MDN1: variants seen among roughly 807,000 people sequenced by gnomAD.
MDN1 encodes midasin.
MDN1 carries 266 observed loss-of-function variants against 669.2 expected under a neutral mutation model. The ratio of observed to expected loss-of-function variants is 0.40; its 90% confidence interval spans 0.36 to 0.44. MDN1 has a LOEUF of 0.44. MDN1 is among the 20% of genes least tolerant of loss of function. The pLI, the probability that MDN1 is intolerant of heterozygous loss-of-function variation, is 1.00. For synonymous variants in MDN1, 2,385 were observed against 2,457.1 expected (o/e 0.97, Z 0.87); for missense variants, 5,940 against 6,754.0 (o/e 0.88, Z 4.22).
chr6:89,760,502 A>G (rs1038469355), intron 17 of MDN1, among the ~76,000 whole-genome samples: 4 of 152,170 alleles, frequency 2.6e-5, no homozygotes, highest in African/African-American at 4.8e-5. Context: ...TCTGAAAACA[A>G]TATGTCGAAG....
rs1312470529 is a variant in MDN1 at position 89,747,310 on chromosome 6, C to A, written c.3904+19G>T. ...ATTTAACATAACTATATATTGAGAGCATTTGATTGAAAACACACCATCATT... is the reference window on the plus strand; with the variant it reads ...ATTTAACATAACTATATATTGAGAGAATTTGATTGAAAACACACCATCATT... On this transcript the variant is annotated intron_variant, in intron 27 of 101. Transcript: ENST00000369393. 1 of 1,604,686 alleles carries A rather than the reference C, an allele frequency of 6.2e-7. No homozygotes were observed. Among genetic ancestry groups the A allele is most frequent in the East Asian group, 2.2e-5 (1 of 44,744 alleles).
At chr6:89,811,602 C>T (rs1484930950) in intron 1 of MDN1, among the ~76,000 whole-genome samples, 4 of 152,122 alleles carry the variant, frequency 2.6e-5, no homozygotes, top group East Asian at 1.9e-4. Flanking sequence ...TGTGCCACCA[C>T]GCCCAGCTAA....
chr6:89,770,155 C>T (rs1432266019), intron 15 of MDN1, among the ~76,000 whole-genome samples: 1 of 151,858 alleles, frequency 6.6e-6, no homozygotes, highest in Admixed American at 6.6e-5. Flanking sequence ...CCTGTAATCC[C>T]AGCAATTTGG....
chr6:89,775,073 C>G (rs1295462740), intron 12 of MDN1, among the ~76,000 whole-genome samples: 2 of 152,148 alleles, frequency 1.3e-5, no homozygotes, highest in African/African-American at 4.8e-5. Context: ...TCTAGCTATG[C>G]TCTCCTCTGC....
rs557509885 is a variant in MDN1, at chr6:89,812,479, T to A, written c.102+7027A>T. ...CGTTCCTTTGCTATAACAAAATTCATCAATTTCCCAATAATTAGCCAACAA... is the reference window on the plus strand; with the variant it reads ...CGTTCCTTTGCTATAACAAAATTCAACAATTTCCCAATAATTAGCCAACAA... On this transcript the variant is annotated intron_variant, in intron 1 of 101. Coordinates refer to ENST00000369393, the MANE Select transcript of MDN1 (RefSeq NM_014611.3). Among the ~76,000 whole-genome samples the A allele has an allele frequency of 3.1e-3, 476 of 152,144 alleles. 2 individuals are homozygous for A. The highest frequency in any genetic ancestry group is 0.011 in the African/African-American group (456 of 41,538).
rs1808502744 is a variant in MDN1, at chr6:89,646,551, T to C, written c.16448A>G (p.Asn5483Ser). Residue 5483 changes from asparagine to serine, a missense_variant, in exon 100 of 102, where the codon AAC (asparagine) becomes AGC (serine). By Grantham distance (46) the Asn-to-Ser change is conservative (BLOSUM62 1). Around this residue, in one of 5 missense-constraint regions of MDN1, gnomAD observed 2,280 missense variants for 2,576.3 expected, o/e 0.88. Coordinates refer to ENST00000369393, the MANE Select transcript of MDN1 (RefSeq NM_014611.3). ...MFAAAQQLSQNISSETAQLLL... is the reference protein window; with the variant it reads ...MFAAAQQLSQSISSETAQLLL... ...GGCATGCAGCTCACCTGAACTGATG[T>C]TCTGCGAGAGCTGCTGAGCAGCTGC... The C allele has an allele frequency of 6.2e-7, 1 of 1,613,988 alleles. No individual in the cohort carries two copies. The highest frequency in any genetic ancestry group is 1.3e-5 in the African/African-American group (1 of 74,936).
At position 89,661,583 on chromosome 6, in the gene MDN1, G is replaced by A. The variant is rs1350197294; in HGVS notation, c.14566-5C>T. On this transcript the variant is annotated splice_polypyrimidine_tract_variant and splice_region_variant and intron_variant, in intron 87 of 101. Coordinates refer to ENST00000369393, the MANE Select transcript of MDN1 (RefSeq NM_014611.3). ...CTCATTTTCATCATAGTCCCTCTTT[G>A]GGACAATGGAGACAACAGGGATAAA... is the stretch of plus-strand genomic sequence containing the variant. 1 of 1,604,750 alleles carries A rather than the reference G, an allele frequency of 6.2e-7. No homozygotes were observed. Among genetic ancestry groups the A allele is most frequent in the South Asian group, 1.1e-5 (1 of 88,588 alleles).
intron 22 of MDN1, 125 bp downstream of exon 22, chr6:89,753,387 A>C (rs1817053691): frequency 1.2e-5 from 8 of 693,070 alleles, no homozygotes; most frequent in Non-Finnish European, 2.0e-5. Flanking sequence ...TGTAATGTTT[A>C]AACTTTTTGC....
intron 88 of MDN1, among the ~76,000 whole-genome samples, chr6:89,660,487 TGG>T (rs767482026): frequency 6.6e-6 from 1 of 151,588 alleles, no homozygotes; most frequent in African/African-American, 2.4e-5. Context: ...ACCAGCCTAC[TGG>T]GTTTTTTTTT....
At chr6:89,672,445 G>C in intron 81 of MDN1, 82 bp from the exon 82 acceptor site, 1 of 1,593,810 alleles carries the variant, frequency 6.3e-7, no homozygotes, top group Non-Finnish European at 8.5e-7. Context: ...GCAGTTATCT[G>C]TTTCTAACAT....
intron 22 of MDN1, among the ~76,000 whole-genome samples, chr6:89,751,914 A>G (rs1035872854): frequency 2.6e-5 from 4 of 152,180 alleles, no homozygotes; most frequent in African/African-American, 9.7e-5. Context: ...CATATAAACC[A>G]TGTTCCCCGA....
rs780438123 is a variant in MDN1, at chr6:89,794,101, T to C, written c.661A>G (p.Arg221Gly). The stretch of plus-strand genomic sequence containing the variant: ...ACCTCCACGAAGGTTCCTGCTTACC[T>C]CAACCTGAAATGGATCAATTCATCA... ...NSDELIHFRL[R>G]LLEEAQLQDL... is the part of the protein sequence containing the mutation. The change falls in exon 4 of 102, where the codon AGG (arginine) becomes GGG (glycine). Residue 221 changes from arginine to glycine, a missense_variant and splice_region_variant. This residue lies in a region of MDN1 where 1,203 missense variants were observed against 1,268.9 expected (regional missense o/e 0.95). Transcript: ENST00000369393. 6.4e-7 allele frequency: 1 copy of C among 1,564,296 alleles called. No individual in the cohort carries two copies. Among genetic ancestry groups the C allele is most frequent in the South Asian group, 1.2e-5 (1 of 84,498 alleles).
chr6:89,654,179 T>A lies in MDN1; in HGVS notation c.15646A>T (p.Thr5216Ser). 1 of 1,614,234 alleles carries A rather than the reference T, an allele frequency of 6.2e-7. No individual in the cohort carries two copies. Among genetic ancestry groups the A allele is most frequent in the Non-Finnish European group, 8.5e-7 (1 of 1,180,038 alleles). Residue 5216 changes from threonine to serine, a missense_variant, in exon 93 of 102, where the codon ACC becomes TCC. Physicochemically the swap from Thr to Ser is moderately conservative, Grantham distance 58. Coordinates refer to ENST00000369393, the MANE Select transcript of MDN1 (RefSeq NM_014611.3). ...QLKPEEIKSG[T>S]TAPLGFDEME... is the part of the protein sequence containing the mutation. Reference sequence around the variant, plus strand: ...CAGGACTCACCCAAGGGTGCTGTGGTGCCCGACTTGATTTCCTCTGGCTTC... The same window carrying A: ...CAGGACTCACCCAAGGGTGCTGTGGAGCCCGACTTGATTTCCTCTGGCTTC...
At chr6:89,779,538 GATCGGATAGTTACAAATTT>G (rs1818543946) in intron 11 of MDN1, among the ~76,000 whole-genome samples, 1 of 152,178 alleles carries the variant, frequency 6.6e-6, no homozygotes, top group African/African-American at 2.4e-5. Context: ...AAAGTAGAGG[GATCGGATAGTTACAAATTT>G]ATCAAACAGA....
chr6:89,810,265 G>A (rs1026007209), intron 1 of MDN1, among the ~76,000 whole-genome samples: 12 of 151,404 alleles, frequency 7.9e-5, no homozygotes, highest in Admixed American at 7.3e-4. Context: ...GTGAAACCCC[G>A]TCTCTACTAA....
chr6:89,706,932 T>C (rs1261458906), intron 52 of MDN1, among the ~76,000 whole-genome samples: 2 of 152,080 alleles, frequency 1.3e-5, no homozygotes, highest in Non-Finnish European at 2.9e-5. Context: ...CAAGCACAAC[T>C]ATCTTTTCAA....
At chr6:89,660,272 A>T (rs1045112642) in intron 88 of MDN1, among the ~76,000 whole-genome samples, 3 of 152,098 alleles carry the variant, frequency 2.0e-5, no homozygotes, top group African/African-American at 7.2e-5. Context: ...TGCAGCCTCA[A>T]CCTCCTGAGC....
At chr6:89,744,122 A>C (rs2017994) in intron 29 of MDN1, among the ~76,000 whole-genome samples, 60,418 of 121,874 alleles carry the variant, frequency 0.5, 15,876 homozygotes, top group African/African-American at 0.58. Context: ...AAAAAAAAAA[A>C]AAAAAAAAAC....
chr6:89,780,078 A>AG, intron 11 of MDN1, 134 bp downstream of exon 11: 1 of 555,354 alleles, frequency 1.8e-6, no homozygotes, highest in East Asian at 3.3e-5. Flanking sequence ...CAAAAAAAAA[A>AG]AACAAAAAAA....
Sources: gnomAD v4.1 joint callset for allele counts (sites outside exome capture counted in the v4.1 genomes callset) on GRCh38, gnomAD v4.1.1 for gene constraint, gnomAD v4.1.1 regional missense constraint, MANE v1.5 for transcripts, NCBI Gene and HGNC (gene_info 2026-07-23, HGNC 2026-07-21) for gene names.